The following SLC24A2 variants were observed in gnomAD, a reference collection of about 807,000 sequenced individuals.
The protein encoded by SLC24A2 is sodium/potassium/calcium exchanger 2.
SLC24A2 carries 36 observed loss-of-function variants against 62.0 expected under a neutral mutation model. That is an observed-to-expected ratio of 0.58 (90% confidence interval 0.44 to 0.77). The LOEUF is 0.77. SLC24A2 is among the 30% of genes least tolerant of loss of function. SLC24A2 has a pLI of 0.00. For synonymous variants in SLC24A2, 358 were observed against 294.0 expected, an observed-to-expected ratio of 1.22 and a Z score of -2.23; for missense variants, 846 against 817.9, an observed-to-expected ratio of 1.03 and a Z score of -0.42.
the SLC24A2 span, among the ~76,000 whole-genome samples, chr9:19,951,023 G>T: frequency 1.3e-5 from 2 of 152,184 alleles, no homozygotes; most frequent in Admixed American, 1.3e-4. Flanking sequence ...ATGTTCTCCA[G>T]TTAAGTTCTC....
At position 19,550,248 on chromosome 9, in the gene SLC24A2, G is replaced by GTCC; in HGVS notation, c.1365_1367dup (p.Glu455dup). On this transcript the variant is annotated inframe_insertion, in exon 8 of 11. Coordinates refer to ENST00000341998, the MANE Select transcript of SLC24A2 (RefSeq NM_020344.4). The stretch of plus-strand genomic sequence containing the variant: ...AAGGCCAGGCAAGGCTGAGAGGCTG[G>GTCC]TCCTCCTCCTCATCAGCGGTCTGTG... The GTCC allele has an allele frequency of 6.2e-7, 1 of 1,614,142 alleles. No individual in the cohort carries two copies. Among genetic ancestry groups the GTCC allele is most frequent in the Non-Finnish European group, 8.5e-7 (1 of 1,179,998 alleles).
At chr9:19,555,241 C>T (rs941127148) in intron 7 of SLC24A2, among the ~76,000 whole-genome samples, 1 of 152,172 alleles carries the variant, frequency 6.6e-6, no homozygotes, top group African/African-American at 2.4e-5. Context: ...TTTATCCTAA[C>T]TGATCTAGTG....
At chr9:20,136,625 T>A in the SLC24A2 span, among the ~76,000 whole-genome samples, 2 of 152,274 alleles carry the variant, frequency 1.3e-5, no homozygotes, top group South Asian at 4.1e-4. Context: ...AAGGGAATCA[T>A]AAAGTTTGCA....
the SLC24A2 span, among the ~76,000 whole-genome samples, chr9:19,834,624 GA>G: frequency 6.6e-6 from 1 of 151,854 alleles, no homozygotes; most frequent in Non-Finnish European, 1.5e-5. Context: ...GTGATGGGGA[GA>G]ATGGAACCAA....
the SLC24A2 span, among the ~76,000 whole-genome samples, chr9:20,151,547 C>T: frequency 1.3e-5 from 2 of 151,836 alleles, no homozygotes; most frequent in Non-Finnish European, 2.9e-5. Flanking sequence ...GCTAGCCAAA[C>T]AAGCCAGGCA....
chr9:19,862,803 C>T, the SLC24A2 span, among the ~76,000 whole-genome samples: 1 of 151,684 alleles, frequency 6.6e-6, no homozygotes, highest in African/African-American at 2.4e-5. Flanking sequence ...ATTTGCAAGC[C>T]TCATGGTAAT....
At chr9:19,995,402 G>C in the SLC24A2 span, among the ~76,000 whole-genome samples, 1 of 152,060 alleles carries the variant, frequency 6.6e-6, no homozygotes, top group African/African-American at 2.4e-5. Flanking sequence ...TCCTGGCTCT[G>C]GGGAAGGAAA....
At chr9:19,935,037 A>T in the SLC24A2 span, among the ~76,000 whole-genome samples, 3 of 151,256 alleles carry the variant, frequency 2.0e-5, no homozygotes, top group East Asian at 1.9e-4. Context: ...TTTTTATTTT[A>T]TTTATTTATT....
rs1357052679 is a variant in SLC24A2 at position 19,783,222 on chromosome 9, T to C, written c.930+2715A>G. ...GCCTAGAGCCCAGCAGAGTTGACTT[T>C]TTTGCAAGAACCATTTGATGATTTG... On this transcript the variant is annotated intron_variant, in intron 2 of 10. Coordinates refer to ENST00000341998, the MANE Select transcript of SLC24A2 (RefSeq NM_020344.4). Among the ~76,000 whole-genome samples, 5 of 152,200 alleles carry C rather than the reference T, an allele frequency of 3.3e-5. No homozygotes were observed. In the East Asian group the frequency reaches 9.6e-4, roughly 29 times the overall value.
intron 2 of SLC24A2, among the ~76,000 whole-genome samples, chr9:19,704,020 T>C (rs569520556): frequency 6.6e-6 from 1 of 152,342 alleles, no homozygotes; most frequent in South Asian, 2.1e-4. Flanking sequence ...TTTGATCATA[T>C]AGGGCTTAGT....
the SLC24A2 span, among the ~76,000 whole-genome samples, chr9:20,073,891 C>CACATATATATATATATATAT: frequency 1.1e-5 from 1 of 87,100 alleles, no homozygotes; most frequent in Admixed American, 9.5e-5. Context: ...TATATATATA[C>CACATATATATATATATATAT]ACACATATAT....
the SLC24A2 span, among the ~76,000 whole-genome samples, chr9:20,278,762 C>T: frequency 1.3e-5 from 2 of 152,190 alleles, no homozygotes; most frequent in Non-Finnish European, 2.9e-5. Flanking sequence ...TAAACTGCTC[C>T]AACCTTTACC....
At chr9:19,646,897 C>T (rs1001960988) in intron 2 of SLC24A2, among the ~76,000 whole-genome samples, 1 of 152,048 alleles carries the variant, frequency 6.6e-6, no homozygotes, top group Non-Finnish European at 1.5e-5. Flanking sequence ...GTTATCAATT[C>T]TTTAGTTACA....
the SLC24A2 span, among the ~76,000 whole-genome samples, chr9:19,829,360 G>C: frequency 6.6e-6 from 1 of 152,136 alleles, no homozygotes; most frequent in East Asian, 1.9e-4. Context: ...GAGCACATTG[G>C]GTGGTTGAGA....
chr9:19,751,579 G>C (rs1418072613), intron 2 of SLC24A2, among the ~76,000 whole-genome samples: 1 of 152,074 alleles, frequency 6.6e-6, no homozygotes, highest in African/African-American at 2.4e-5. Context: ...AGCCAATGCT[G>C]GGGAGAAAGG....
Position 19,515,975 on chromosome 9 carries a change from A to G in SLC24A2, c.*178T>C. On this transcript the variant is annotated 3_prime_UTR_variant, in exon 11 of 11. Transcript: ENST00000341998. ...AAGTCATTTCAGTAGGCAGGGTGGAAGCAGCCTGTGAAGTGAATGGGCCCA... is the reference window on the plus strand; with the variant it reads ...AAGTCATTTCAGTAGGCAGGGTGGAGGCAGCCTGTGAAGTGAATGGGCCCA... 1.3e-6 allele frequency: 1 copy of G among 773,682 alleles called. No individual in the cohort carries two copies. Among genetic ancestry groups the G allele is most frequent in the Admixed American group, 1.9e-5 (1 of 52,098 alleles). 47.9% of individuals were successfully genotyped at this position (773,682 alleles called of 1,614,324 possible). A position where few individuals can be genotyped will look rare whatever the true frequency, so the allele number is the denominator to read the frequency against.
intron 2 of SLC24A2, among the ~76,000 whole-genome samples, chr9:19,761,743 G>C (rs1007793353): frequency 9.9e-5 from 15 of 150,966 alleles, no homozygotes; most frequent in African/African-American, 3.4e-4. Flanking sequence ...TTGGTTTTTT[G>C]TCCTTGCGAT....
the SLC24A2 span, among the ~76,000 whole-genome samples, chr9:19,950,104 T>G: frequency 2.0e-5 from 3 of 152,228 alleles, no homozygotes; most frequent in Non-Finnish European, 2.9e-5. Flanking sequence ...GAGCCTGGGT[T>G]CAAATCCAAA....
the SLC24A2 span, among the ~76,000 whole-genome samples, chr9:20,095,227 T>G: frequency 6.6e-6 from 1 of 152,216 alleles, no homozygotes; most frequent in Non-Finnish European, 1.5e-5. Flanking sequence ...GAACACATAT[T>G]TTCCTAAATT....
Sources: allele counts gnomAD v4.1 joint callset (sites outside exome capture counted in the v4.1 genomes callset), GRCh38; gene constraint gnomAD v4.1.1; transcripts MANE v1.5; gene names NCBI Gene and HGNC (gene_info 2026-07-23, HGNC 2026-07-21).